ITGAM: variants seen among roughly 807,000 people sequenced by gnomAD.
ITGAM encodes the protein integrin subunit alpha M.
In ITGAM, 79 loss-of-function variants were observed where a neutral mutation model predicts 137.5. The ratio of observed to expected loss-of-function variants is 0.57; its 90% CI spans 0.48 to 0.69. ITGAM has a LOEUF of 0.69. Ranked by LOEUF, ITGAM falls within the 30% of genes least tolerant of loss-of-function variation. The probability of loss-of-function intolerance (pLI) is 0.00; values close to 1 mark genes in which losing one functional copy is unlikely to be tolerated. For synonymous variants in ITGAM, 583 were observed against 592.3 expected, an observed-to-expected ratio of 0.98 and a Z score of 0.23; for missense variants, 1,343 against 1,483.5, an observed-to-expected ratio of 0.91 and a Z score of 1.56.
At position 31,329,266 on chromosome 16, in the gene ITGAM, C is replaced by A. The variant is rs1246674405; in HGVS notation, c.2831C>A (p.Ser944Ter). The A allele has an allele frequency of 5.0e-6, 8 of 1,613,108 alleles. No individual in the cohort carries two copies. In the Middle Eastern group the frequency reaches 6.6e-4, roughly 133 times the overall value. ...VSTKYLNFTA[S>*]ENTSRVMQHQ... Reference sequence around the variant, plus strand: ...ACTAAATATCTCAACTTCACGGCCTCAGAGAATACCAGTCGGGTCATGCAG... The same window carrying A: ...ACTAAATATCTCAACTTCACGGCCTAAGAGAATACCAGTCGGGTCATGCAG... Residue 944 changes from serine (S) to a stop codon, truncating the protein, a stop_gained, in exon 24 of 30, where the codon TCA (serine) becomes TAA (stop). Coordinates refer to ENST00000544665, the MANE Select transcript of ITGAM (RefSeq NM_000632.4). LOFTEE classifies it high-confidence loss of function.
chr16:31,293,262 G>T (rs2080104053), intron 12 of ITGAM, among the ~76,000 whole-genome samples: 1 of 151,982 alleles, frequency 6.6e-6, no homozygotes, highest in Non-Finnish European at 1.5e-5. Context: ...GATGCCATTT[G>T]TCAATTTTTG....
In ITGAM at chr16:31,323,407, CAA is replaced by C. The variant is rs1300017152; in HGVS notation, c.2003-991_2003-990del. Among the ~76,000 whole-genome samples the C allele has an allele frequency of 2.4e-5, 3 of 126,382 alleles. No individual in the cohort carries two copies. In the East Asian group the frequency reaches 7.1e-4, roughly 30 times the overall value. 82.9% of individuals were successfully genotyped at this position (126,382 alleles called of 152,430 possible). On this transcript the variant is annotated intron_variant, in intron 16 of 29. Transcript: ENST00000544665. ...CCCCATTGCACTCCAGTCTGGGTGA[CAA>C]GAGCGAAACTCCATTTCAAAAAAAA...
At chr16:31,264,535 T>C (rs566568722) in intron 2 of ITGAM, among the ~76,000 whole-genome samples, 1 of 152,090 alleles carries the variant, frequency 6.6e-6, no homozygotes, top group Non-Finnish European at 1.5e-5. Flanking sequence ...TTCTAACACT[T>C]TGGGAGACTG....
At chr16:31,291,991 C>A (rs1286391804) in intron 12 of ITGAM, among the ~76,000 whole-genome samples, 2 of 151,938 alleles carry the variant, frequency 1.3e-5, no homozygotes, top group Non-Finnish European at 2.9e-5. Flanking sequence ...AACGGATATC[C>A]CAGTTACCCT....
chr16:31,287,624 C>T (rs553429566), intron 12 of ITGAM, among the ~76,000 whole-genome samples: 16 of 151,968 alleles, frequency 1.1e-4, no homozygotes, highest in Non-Finnish European at 1.6e-4. Flanking sequence ...TCGTTTCTGC[C>T]TGTAGTTCTG....
Position 31,329,241 on chromosome 16 carries a change from A to G in ITGAM, c.2806A>G (p.Thr936Ala), listed in dbSNP as rs2080549190. 1 of 1,612,214 alleles carries G rather than the reference A, an allele frequency of 6.2e-7. No homozygotes were observed. The highest frequency in any genetic ancestry group is 8.5e-7 in the Non-Finnish European group (1 of 1,178,608). ...TTCTCCCTTCAGCCATGGGGTCTCC[A>G]CTAAATATCTCAACTTCACGGCCTC... Reference protein sequence around the residue: ...YMVVTSHGVSTKYLNFTASEN... With the variant: ...YMVVTSHGVSAKYLNFTASEN... The change falls in exon 24 of 30, where the codon ACT becomes GCT. Residue 936 changes from threonine (T) to alanine (A), a missense_variant. Thr to Ala is a moderately conservative substitution (Grantham distance 58, BLOSUM62 0). Transcript: ENST00000544665.
Position 31,330,419 on chromosome 16 carries a change from A to C in ITGAM, c.3172A>C (p.Lys1058Gln). 2 of 1,612,984 alleles carry C rather than the reference A, an allele frequency of 1.2e-6. No homozygotes were observed. Among genetic ancestry groups the C allele is most frequent in the Non-Finnish European group, 1.7e-6 (2 of 1,178,928 alleles). ...CAACCTCTCGTTTGACTGGTACATC[A>C]AGGTGTGTGGGGTCCTGAGGCTTCG... ...KGNLSFDWYI[K>Q]TSHNHLLIVS... is the part of the protein sequence containing the mutation. The change falls in exon 27 of 30, where the codon AAG becomes CAG. Residue 1058 changes from lysine (K) to glutamine (Q), a missense_variant and splice_region_variant. Physicochemically the swap from Lys to Gln is moderately conservative, Grantham distance 53. Coordinates refer to ENST00000544665, the MANE Select transcript of ITGAM (RefSeq NM_000632.4).
At chr16:31,302,996 CTTTT>C (rs747403167) in intron 14 of ITGAM, among the ~76,000 whole-genome samples, 3 of 92,476 alleles carry the variant, frequency 3.2e-5, no homozygotes, top group South Asian at 3.3e-4. Context: ...TTCTTTCTTT[CTTTT>C]TCTTTCTCTC....
In ITGAM at chr16:31,330,799, CAG is replaced by C. The variant is rs1399875981; in HGVS notation, c.3276+198_3276+199del. On this transcript the variant is annotated intron_variant, in intron 28 of 29. Transcript: ENST00000544665. ...ATAGAGGCAGAGGGAGAAACAGACA[CAG>C]AGACAGACAAAGGAGAGAGAGATAG... Among the ~76,000 whole-genome samples the C allele has an allele frequency of 1.0e-4, 8 of 76,420 alleles. No individual in the cohort carries two copies. The East Asian group carries it at 1.3e-3, about 13-fold the overall frequency. The allele number at this position is 76,420 out of a possible 152,430, so 50.1% of individuals were successfully genotyped here. A position where few individuals can be genotyped will look rare whatever the true frequency, so the allele number is the denominator to read the frequency against.
At chr16:31,293,400 C>T (rs2080105315) in intron 12 of ITGAM, among the ~76,000 whole-genome samples, 1 of 152,126 alleles carries the variant, frequency 6.6e-6, no homozygotes, top group Non-Finnish European at 1.5e-5. Context: ...AGTCTTTAGT[C>T]TATCTTGAGT....
chr16:31,299,470 G>A (rs2080172788), intron 14 of ITGAM, among the ~76,000 whole-genome samples: 1 of 151,944 alleles, frequency 6.6e-6, no homozygotes, highest in Non-Finnish European at 1.5e-5. Context: ...CACCATGCCT[G>A]GCTAATTTTT....
Position 31,277,954 on chromosome 16 carries a change from C to T in ITGAM, c.1214-13C>T. ...CAGGGAATGCACTTCACCTCTCAGACCCCCACCTTCAGGTTATGCTGCCGC... is the reference window on the plus strand; with the variant it reads ...CAGGGAATGCACTTCACCTCTCAGATCCCCACCTTCAGGTTATGCTGCCGC... On this transcript the variant is annotated splice_polypyrimidine_tract_variant and intron_variant, in intron 11 of 29. Transcript: ENST00000544665. The T allele has an allele frequency of 1.3e-6, 2 of 1,579,986 alleles. No homozygotes were observed. Among genetic ancestry groups the T allele is most frequent in the Non-Finnish European group, 1.7e-6 (2 of 1,162,522 alleles).
At chr16:31,281,369 G>A (rs1017919082) in intron 12 of ITGAM, among the ~76,000 whole-genome samples, 3 of 152,026 alleles carry the variant, frequency 2.0e-5, no homozygotes, top group Non-Finnish European at 2.9e-5. Flanking sequence ...TTGGTTGGTA[G>A]GCTATTAATT....
At chr16:31,328,292 A>G in intron 23 of ITGAM, 62 bp downstream of exon 23, 1 of 1,244,590 alleles carries the variant, frequency 8.0e-7, no homozygotes, top group South Asian at 1.2e-5. Context: ...CTGATTGTGC[A>G]TCTGTGTGCA....
chr16:31,308,585 T>A (rs2080289909), intron 14 of ITGAM, among the ~76,000 whole-genome samples: 1 of 150,410 alleles, frequency 6.6e-6, no homozygotes, highest in East Asian at 1.9e-4. Context: ...ATTTTGCTGA[T>A]CTTTTCAAAA....
At chr16:31,272,463 ATTTTTTTTTTTTTTTTTTTTTTTTTTTT>A (rs1157912736) in intron 7 of ITGAM, among the ~76,000 whole-genome samples, 1 of 10,892 alleles carries the variant, frequency 9.2e-5, no homozygotes, top group Non-Finnish European at 1.5e-4. Flanking sequence ...ATATATATAT[ATTTTTTTTTTTTTTTTTTTTTTTTTTTT>A]TTTTTTTTTT....
At chr16:31,273,662 C>T in intron 8 of ITGAM, 144 bp downstream of exon 8, 1 of 749,948 alleles carries the variant, frequency 1.3e-6, no homozygotes, top group Non-Finnish European at 2.1e-6. Flanking sequence ...CTATCTGTTG[C>T]CACATCAATG....
chr16:31,282,555 G>A (rs1019590630), intron 12 of ITGAM, among the ~76,000 whole-genome samples: 1 of 152,028 alleles, frequency 6.6e-6, no homozygotes, highest in Admixed American at 6.6e-5. Context: ...GGTTTTTTCT[G>A]TTTTCCATTT....
At chr16:31,316,630 G>GT (rs1328202381) in intron 14 of ITGAM, among the ~76,000 whole-genome samples, 1 of 151,968 alleles carries the variant, frequency 6.6e-6, no homozygotes, top group Non-Finnish European at 1.5e-5. Context: ...TTTTAGTATT[G>GT]TTTTTTCTAT....
Sources: gnomAD v4.1 joint callset for allele counts (sites outside exome capture counted in the v4.1 genomes callset) on GRCh38, gnomAD v4.1.1 for gene constraint, MANE v1.5 for transcripts, NCBI Gene and HGNC (gene_info 2026-07-23, HGNC 2026-07-21) for gene names.